Variants in CDH12 observed in about 807,000 individuals in gnomAD.
The protein encoded by CDH12 is cadherin 12, also known as cadherin-12.
Under a neutral mutation model 74.1 loss-of-function variants are expected in CDH12, and 41 were observed. That is an observed-to-expected ratio of 0.55 (90% CI 0.43 to 0.72). The LOEUF is 0.72. Among genes scored for constraint, CDH12 ranks in the 30% least tolerant of loss-of-function variants. The pLI, the probability that CDH12 is intolerant of heterozygous loss-of-function variation, is 0.00. For synonymous variants in CDH12, 399 were observed against 355.0 expected, an observed-to-expected ratio of 1.12 and a Z score of -1.39; for missense variants, 945 against 977.2, an observed-to-expected ratio of 0.97 and a Z score of 0.44.
chr5:22,807,010 T>A (rs1258683055), intron 1 of CDH12, among the ~76,000 whole-genome samples: 1 of 152,126 alleles, frequency 6.6e-6, no homozygotes, highest in Non-Finnish European at 1.5e-5. Flanking sequence ...GCTTTTGTTG[T>A]CATTACTTTT....
intron 3 of CDH12, among the ~76,000 whole-genome samples, chr5:22,295,809 C>A (rs984574437): frequency 5.3e-5 from 8 of 152,058 alleles, no homozygotes; most frequent in African/African-American, 1.9e-4. Flanking sequence ...CGACAAGAAT[C>A]TCTATCTATG....
At chr5:22,576,981 A>G (rs1280537698) in intron 1 of CDH12, among the ~76,000 whole-genome samples, 1 of 152,224 alleles carries the variant, frequency 6.6e-6, no homozygotes, top group Admixed American at 6.5e-5. Flanking sequence ...CTAGAATCAT[A>G]TTTACAAAAT....
At chr5:22,229,981 C>T (rs10214205) in intron 3 of CDH12, among the ~76,000 whole-genome samples, 1,796 of 151,866 alleles carry the variant, frequency 0.012, 36 homozygotes, top group African/African-American at 0.042. Context: ...TGAAAAATGA[C>T]GTCTATTAAT....
chr5:22,827,221 C>G (rs1008809916), intron 1 of CDH12, among the ~76,000 whole-genome samples: 2 of 152,140 alleles, frequency 1.3e-5, no homozygotes, highest in South Asian at 4.1e-4. Context: ...TAAGCCATGG[C>G]GTCTTCCATG....
intron 1 of CDH12, among the ~76,000 whole-genome samples, chr5:22,568,715 C>G (rs1002811870): frequency 6.6e-6 from 1 of 151,986 alleles, no homozygotes; most frequent in African/African-American, 2.4e-5. Flanking sequence ...GGTTCCAGAC[C>G]ATAAGAATAA....
chr5:22,077,249 A>G (rs1413555528), intron 5 of CDH12, among the ~76,000 whole-genome samples: 1 of 152,170 alleles, frequency 6.6e-6, no homozygotes, highest in African/African-American at 2.4e-5. Context: ...CCTTTCAACA[A>G]AGTTTCTATT....
chr5:22,775,388 A>T (rs1433441451), intron 1 of CDH12, among the ~76,000 whole-genome samples: 1 of 152,160 alleles, frequency 6.6e-6, no homozygotes, highest in Non-Finnish European at 1.5e-5. Flanking sequence ...ACAATGATAT[A>T]CTTGAAAATC....
chr5:22,345,463 A>G (rs17265086), intron 3 of CDH12, among the ~76,000 whole-genome samples: 55,811 of 152,008 alleles, frequency 0.37, 10,427 homozygotes, highest in South Asian at 0.47. Flanking sequence ...AAAACACCAG[A>G]TTTGTGTCAG....
intron 4 of CDH12, among the ~76,000 whole-genome samples, chr5:22,204,739 C>T (rs1387795305): frequency 2.0e-5 from 3 of 152,232 alleles, no homozygotes; most frequent in Non-Finnish European, 4.4e-5. Flanking sequence ...TATCTCTGTG[C>T]TTTAGCACAT....
chr5:21,861,497 A>G (rs1751041664), intron 6 of CDH12, among the ~76,000 whole-genome samples: 1 of 152,076 alleles, frequency 6.6e-6, no homozygotes, highest in Non-Finnish European at 1.5e-5. Flanking sequence ...TAGTATTTTC[A>G]TCTGTGATTA....
At chr5:22,586,425 C>T (rs1181214898) in intron 1 of CDH12, among the ~76,000 whole-genome samples, 1 of 151,564 alleles carries the variant, frequency 6.6e-6, no homozygotes, top group African/African-American at 2.4e-5. Context: ...CAACATGGCA[C>T]ATGTATACAT....
chr5:22,724,541 A>C (rs934347497), intron 1 of CDH12, among the ~76,000 whole-genome samples: 1 of 151,944 alleles, frequency 6.6e-6, no homozygotes, highest in Non-Finnish European at 1.5e-5. Flanking sequence ...GCTCCATTTC[A>C]GTTGCTGCAA....
At position 21,760,565 on chromosome 5, in the gene CDH12, G is replaced by A; in HGVS notation, c.1626C>T (p.Asp542=). The A allele has an allele frequency of 6.5e-7, 1 of 1,539,478 alleles. No homozygotes were observed. Among genetic ancestry groups the A allele is most frequent in the Admixed American group, 1.7e-5 (1 of 59,418 alleles). Residue 542 remains aspartate (D), a synonymous_variant, in exon 13 of 15, where the codon GAC becomes GAT. Coordinates refer to ENST00000382254, the MANE Select transcript of CDH12 (RefSeq NM_004061.5). ...AAIKPNFTVR[D]FRNNTAGIET... ...TTCTGTAGTTACACTTACTTCTGAA[G>A]TCACGAACTGTAAAATTTGGTTTGA...
intron 1 of CDH12, among the ~76,000 whole-genome samples, chr5:22,797,542 T>A (rs1295448397): frequency 6.6e-6 from 1 of 152,068 alleles, no homozygotes; most frequent in East Asian, 1.9e-4. Context: ...CTTAGATATA[T>A]TATAAATAAA....
rs530701248 is a variant in CDH12, at chr5:22,427,434, G to T, written c.-427-22083C>A. Among the ~76,000 whole-genome samples the T allele has an allele frequency of 3.0e-4, 45 of 152,224 alleles. 1 individual carries two copies. The highest frequency in any genetic ancestry group is 3.4e-3 in the Middle Eastern group (1 of 294). ...ACCCACCACAGCCTCCCAAATTGCT[G>T]GGATTACAGGCATGAGCCACTGCAT... On this transcript the variant is annotated intron_variant, in intron 2 of 14. Transcript: ENST00000382254.
At position 22,315,119 on chromosome 5, in the gene CDH12, C is replaced by CTTTTTCTT. The variant is rs1554030827; in HGVS notation, c.-333+90137_-333+90138insAAGAAAAA. The stretch of plus-strand genomic sequence containing the variant: ...GGCGCCTGCCACCGTGCCTGCCTGG[C>CTTTTTCTT]TTTTTTTTTTTTTTTTTTTTTTTTA... On this transcript the variant is annotated intron_variant, in intron 3 of 14. Coordinates refer to ENST00000382254, the MANE Select transcript of CDH12 (RefSeq NM_004061.5). 6.1e-4 allele frequency among the ~76,000 whole-genome samples: 14 copies of CTTTTTCTT among 22,996 alleles called. 2 individuals carry two copies. Among genetic ancestry groups the CTTTTTCTT allele is most frequent in the African/African-American group, 2.2e-3 (10 of 4,522 alleles). The allele number at this position is 22,996 out of a possible 152,430, so 15.1% of individuals were successfully genotyped here.
chr5:22,840,037 T>G (rs962849781), intron 1 of CDH12, among the ~76,000 whole-genome samples: 3 of 152,174 alleles, frequency 2.0e-5, no homozygotes, highest in African/African-American at 7.2e-5. Context: ...GATGTTTCAT[T>G]TTTCAGTTTT....
At chr5:22,288,788 G>C (rs150002471) in intron 3 of CDH12, among the ~76,000 whole-genome samples, 1 of 152,068 alleles carries the variant, frequency 6.6e-6, no homozygotes, top group African/African-American at 2.4e-5. Flanking sequence ...ATAATGTCTG[G>C]TATTAATAGA....
intron 9 of CDH12, 137 bp downstream of exon 9, chr5:21,816,808 C>T (rs1350250052): frequency 1.9e-6 from 1 of 534,314 alleles, no homozygotes; most frequent in Non-Finnish European, 3.1e-6. Context: ...ATCAGTACCC[C>T]AACTCTCACA....
Sources: gnomAD v4.1 joint callset for allele counts (sites outside exome capture counted in the v4.1 genomes callset) on GRCh38, gnomAD v4.1.1 for gene constraint, MANE v1.5 for transcripts, NCBI Gene and HGNC (gene_info 2026-07-23, HGNC 2026-07-21) for gene names.